DHFR2: variants seen among roughly 807,000 people sequenced by gnomAD.
The protein encoded by DHFR2 is dihydrofolate reductase 2, mitochondrial.
In DHFR2, 11 loss-of-function variants were observed where a neutral mutation model predicts 12.0. The ratio of observed to expected loss-of-function variants is 0.92; its 90% CI spans 0.58 to 1.52. The LOEUF (loss-of-function observed/expected upper bound fraction) is 1.52. Among genes scored for constraint, DHFR2 ranks in the 40% most tolerant of loss-of-function variants. DHFR2 has a pLI of 0.00. For missense variants in DHFR2, 188 were observed against 221.2 expected, an observed-to-expected ratio of 0.85 and a Z score of 0.95; for synonymous variants, 87 against 79.6, an observed-to-expected ratio of 1.09 and a Z score of -0.49.
Position 94,062,786 on chromosome 3 carries a change from T to G in DHFR2, c.-136A>C. ...AGCAGGGGCCGCACAGGCGCGCAGA[T>G]GTGTGACTTTCTAAGGTCCGGCCGC... On this transcript the variant is annotated 5_prime_UTR_variant, in exon 1 of 2. Coordinates refer to ENST00000314636, the MANE Select transcript of DHFR2 (RefSeq NM_176815.5). 3.1e-6 allele frequency: 1 copy of G among 324,858 alleles called. No homozygotes were observed. The highest frequency in any genetic ancestry group is 5.7e-5 in the East Asian group (1 of 17,456). The allele number at this position is 324,858 out of a possible 1,614,324, so 20.1% of individuals were successfully genotyped here.
upstream of DHFR2, chr3:94,063,315 C>G (rs2077189425): frequency 1.5e-6 from 1 of 677,116 alleles, no homozygotes; most frequent in Admixed American, 2.3e-5. Flanking sequence ...TGCTGTAATG[C>G]TGAGTCCCTT....
In DHFR2 at chr3:94,061,451, C is replaced by T. The variant is rs2077174337; in HGVS notation, c.61G>A (p.Gly21Arg). 2.5e-6 allele frequency: 4 copies of T among 1,614,046 alleles called. No individual in the cohort carries two copies. In the African/African-American group the frequency reaches 4.0e-5, roughly 16 times the overall value. ...CTGAGCGGCGGCCTGGGCAGGTCCC[C>T]GTTCTTGCCGATGCCCATGTTTTGG... ...VSQNMGIGKNGDLPRPPLRNE... is the reference protein window; with the variant it reads ...VSQNMGIGKNRDLPRPPLRNE... The change falls in exon 2 of 2, where the codon GGG becomes AGG. Residue 21 changes from glycine (G) to arginine (R), a missense_variant. Physicochemically the swap from Gly to Arg is moderately radical, Grantham distance 125 (BLOSUM62 -2). Coordinates refer to ENST00000314636, the MANE Select transcript of DHFR2 (RefSeq NM_176815.5).
In DHFR2 at chr3:94,061,302, A is replaced by G. The variant is rs144867779; in HGVS notation, c.210T>C (p.Asp70=). 130 of 1,613,626 alleles carry G rather than the reference A, an allele frequency of 8.1e-5. No individual in the cohort carries two copies. Among genetic ancestry groups the G allele is most frequent in the Non-Finnish European group, 1.0e-4 (123 of 1,179,716 alleles). The change falls in exon 2 of 2, where the codon GAT becomes GAC. Residue 70 remains aspartate (D), a synonymous_variant. Coordinates refer to ENST00000314636, the MANE Select transcript of DHFR2 (RefSeq NM_176815.5). ...SIPEKNRPLK[D]RINLVLSREL... ...CTCTGCTGAGAACTAAATTAATTCTATCCTTTAAAGGTCGATTCTTCTCAG... is the reference window on the plus strand; with the variant it reads ...CTCTGCTGAGAACTAAATTAATTCTGTCCTTTAAAGGTCGATTCTTCTCAG...
rs1163914236 is a variant in DHFR2 at position 94,058,273 on chromosome 3, A to G, written c.*2675T>C. On this transcript the variant is annotated 3_prime_UTR_variant, in exon 2 of 2. Coordinates refer to ENST00000314636, the MANE Select transcript of DHFR2 (RefSeq NM_176815.5). Reference sequence around the variant, plus strand: ...GTAGTTACCTCCATGGGTTTTAAAAAATTACTATTTTTTTAGTTTTTCAAG... The same window carrying G: ...GTAGTTACCTCCATGGGTTTTAAAAGATTACTATTTTTTTAGTTTTTCAAG... 1.3e-5 allele frequency: 2 copies of G among 152,148 alleles called. No individual in the cohort carries two copies. The highest frequency in any genetic ancestry group is 4.8e-5 in the African/African-American group (2 of 41,432). The allele number at this position is 152,148 out of a possible 1,614,324, so 9.4% of individuals were successfully genotyped here. A position where few individuals can be genotyped will look rare whatever the true frequency, so the allele number is the denominator to read the frequency against.
At chr3:94,061,871 A>T (rs1233881473) in intron 1 of DHFR2, among the ~76,000 whole-genome samples, 4 of 152,004 alleles carry the variant, frequency 2.6e-5, no homozygotes, top group African/African-American at 9.7e-5. Flanking sequence ...TTCTAATAAG[A>T]TGCATTTTTT....
rs2077168589 is a variant in DHFR2, at chr3:94,060,817, G to A, written c.*131C>T. Reference sequence around the variant, plus strand: ...TATCTGATATAGCCAAGATTAGTGAGGAATAAAAACACGTTGCTTAGAAAT... The same window carrying A: ...TATCTGATATAGCCAAGATTAGTGAAGAATAAAAACACGTTGCTTAGAAAT... On this transcript the variant is annotated 3_prime_UTR_variant, in exon 2 of 2. Transcript: ENST00000314636. 1 of 1,031,236 alleles carries A rather than the reference G, an allele frequency of 9.7e-7. No homozygotes were observed. Among genetic ancestry groups the A allele is most frequent in the Admixed American group, 2.8e-5 (1 of 35,812 alleles). The allele number at this position is 1,031,236 out of a possible 1,614,324, so 63.9% of individuals were successfully genotyped here.
chr3:94,060,765 G>A lies in DHFR2; in HGVS notation c.*183C>T. On this transcript the variant is annotated 3_prime_UTR_variant, in exon 2 of 2. Transcript: ENST00000314636. The stretch of plus-strand genomic sequence containing the variant: ...ACTCAGTCGGGGTCTTGGAGAGACA[G>A]TTATAGCAAGAATGTTTCATAAATG... 1 of 727,330 alleles carries A rather than the reference G, an allele frequency of 1.4e-6. No individual in the cohort carries two copies. The allele number at this position is 727,330 out of a possible 1,614,324, so 45.1% of individuals were successfully genotyped here. A position where few individuals can be genotyped will look rare whatever the true frequency, so the allele number is the denominator to read the frequency against.
chr3:94,060,811 T>C lies in DHFR2; in HGVS notation c.*137A>G. The stretch of plus-strand genomic sequence containing the variant: ...AAATGGTATCTGATATAGCCAAGAT[T>C]AGTGAGGAATAAAAACACGTTGCTT... On this transcript the variant is annotated 3_prime_UTR_variant, in exon 2 of 2. Coordinates refer to ENST00000314636, the MANE Select transcript of DHFR2 (RefSeq NM_176815.5). 1.0e-6 allele frequency: 1 copy of C among 971,152 alleles called. No individual in the cohort carries two copies. Among genetic ancestry groups the C allele is most frequent in the Non-Finnish European group, 1.5e-6 (1 of 665,860 alleles). The allele number at this position is 971,152 out of a possible 1,614,324, so 60.2% of individuals were successfully genotyped here.
In DHFR2 at chr3:94,058,128, GA is replaced by G. The variant is rs1368766100; in HGVS notation, c.*2819del. 1.3e-5 allele frequency: 2 copies of G among 151,854 alleles called. No homozygotes were observed. Among genetic ancestry groups the G allele is most frequent in the Non-Finnish European group, 2.9e-5 (2 of 67,968 alleles). The allele number at this position is 151,854 out of a possible 1,614,324, so 9.4% of individuals were successfully genotyped here. A position where few individuals can be genotyped will look rare whatever the true frequency, so the allele number is the denominator to read the frequency against. ...TTAAGATAGAATTATTTTTATTAAA[GA>G]AATATATGAAAATGGTTAAGTAAAA... is the stretch of plus-strand genomic sequence containing the variant. On this transcript the variant is annotated 3_prime_UTR_variant, in exon 2 of 2. Transcript: ENST00000314636.
At position 94,061,158 on chromosome 3, in the gene DHFR2, G is replaced by A. The variant is rs1239878976; in HGVS notation, c.354C>T (p.Gly118=). The change falls in exon 2 of 2, where the codon GGC becomes GGT. Residue 118 remains glycine (G), a synonymous_variant. Transcript: ENST00000314636. ...NKVDMIWIVG[G]SSVYKEAMNH... Reference sequence around the variant, plus strand: ...TCATGGCTTCCTTATAAACAGAACTGCCACCAACTATCCAAATCATGTCTA... The same window carrying A: ...TCATGGCTTCCTTATAAACAGAACTACCACCAACTATCCAAATCATGTCTA... 6.2e-7 allele frequency: 1 copy of A among 1,613,926 alleles called. No homozygotes were observed. The highest frequency in any genetic ancestry group is 2.2e-5 in the East Asian group (1 of 44,882).
chr3:94,061,069 A>G lies in DHFR2; in HGVS notation c.443T>C (p.Phe148Ser). The stretch of plus-strand genomic sequence containing the variant: ...TTTCTCCAAGTCAATTTCTGAAAAA[A>G]ACGTGTCACTTTCAAAGTCCTGCAT... ...RIMQDFESDT[F>S]FSEIDLEKYK... Residue 148 changes from phenylalanine (F) to serine (S), a missense_variant, in exon 2 of 2, where the codon TTT (phenylalanine) becomes TCT (serine). Physicochemically the swap from Phe to Ser is radical, Grantham distance 155 (BLOSUM62 -2). Transcript: ENST00000314636. The G allele has an allele frequency of 1.9e-6, 3 of 1,613,964 alleles. No individual in the cohort carries two copies. Among genetic ancestry groups the G allele is most frequent in the Non-Finnish European group, 2.5e-6 (3 of 1,179,872 alleles).
In DHFR2 at chr3:94,061,168, A is replaced by T. The variant is rs1426881189; in HGVS notation, c.344T>A (p.Ile115Lys). The T allele has an allele frequency of 1.2e-6, 2 of 1,613,880 alleles. No individual in the cohort carries two copies. The highest frequency in any genetic ancestry group is 2.7e-5 in the African/African-American group (2 of 74,930). Reference protein sequence around the residue: ...ELANKVDMIWIVGGSSVYKEA... With the variant: ...ELANKVDMIWKVGGSSVYKEA... ...CTTATAAACAGAACTGCCACCAACT[A>T]TCCAAATCATGTCTACTTTATTTGC... Residue 115 changes from isoleucine (I) to lysine (K), a missense_variant, in exon 2 of 2, where the codon ATA (isoleucine) becomes AAA (lysine). Physicochemically the swap from Ile to Lys is moderately radical, Grantham distance 102 (BLOSUM62 -3). Transcript: ENST00000314636.
rs1286059280 is a variant in DHFR2, at chr3:94,061,375, C to T, written c.137G>A (p.Gly46Asp). 1.9e-6 allele frequency: 3 copies of T among 1,614,052 alleles called. No individual in the cohort carries two copies. The highest frequency in any genetic ancestry group is 2.2e-5 in the East Asian group (1 of 44,886). ...QRMTTTSSVE[G>D]KQNLVIMGRK... ...ACCCATAATCACCAGATTCTGTTTA[C>T]CCTCTACTGAAGAAGTTGTGGTCAT... is the stretch of plus-strand genomic sequence containing the variant. The change falls in exon 2 of 2, where the codon GGT (glycine) becomes GAT (aspartate). Residue 46 changes from glycine (G) to aspartate (D), a missense_variant. Transcript: ENST00000314636.
At chr3:94,063,200 G>A (rs567203072), upstream of DHFR2, 41 of 1,562,316 alleles carry the variant, frequency 2.6e-5, no homozygotes, top group South Asian at 4.2e-4. Flanking sequence ...ACGCGGCCGA[G>A]GTGGCGAGGG....
chr3:94,062,922 C>G (rs922593172), upstream of DHFR2: 6 of 572,622 alleles, frequency 1.0e-5, no homozygotes, highest in Admixed American at 5.9e-5. Context: ...TAACTGCGCA[C>G]GAAATCTCCC....
rs2107227377 is a variant in DHFR2, at chr3:94,061,420, T to G, written c.92A>C (p.Glu31Ala). 1 of 1,614,208 alleles carries G rather than the reference T, an allele frequency of 6.2e-7. No homozygotes were observed. The highest frequency in any genetic ancestry group is 8.5e-7 in the Non-Finnish European group (1 of 1,180,050). Residue 31 changes from glutamate to alanine, a missense_variant, in exon 2 of 2, where the codon GAA becomes GCA. Glu to Ala is a moderately radical substitution (Grantham distance 107). Coordinates refer to ENST00000314636, the MANE Select transcript of DHFR2 (RefSeq NM_176815.5). ...GDLPRPPLRN[E>A]FRYFQRMTTT... is the part of the protein sequence containing the mutation. Reference sequence around the variant, plus strand: ...GGTCATTCTCTGGAAATACCTGAATTCATTCCTGAGCGGCGGCCTGGGCAG... The same window carrying G: ...GGTCATTCTCTGGAAATACCTGAATGCATTCCTGAGCGGCGGCCTGGGCAG...
In DHFR2 at chr3:94,061,320, C is replaced by A. The variant is rs1440371200; in HGVS notation, c.192G>T (p.Lys64Asn). ...TAATTCTATCCTTTAAAGGTCGATTCTTCTCAGGAATGGAGAACCAGGTCT... is the reference window on the plus strand; with the variant it reads ...TAATTCTATCCTTTAAAGGTCGATTATTCTCAGGAATGGAGAACCAGGTCT... ...GRKTWFSIPEKNRPLKDRINL... is the reference protein window; with the variant it reads ...GRKTWFSIPENNRPLKDRINL... The change falls in exon 2 of 2, where the codon AAG (lysine) becomes AAT (asparagine). Residue 64 changes from lysine to asparagine, a missense_variant. Physicochemically the swap from Lys to Asn is moderately conservative, Grantham distance 94. Transcript: ENST00000314636. The A allele has an allele frequency of 1.9e-6, 3 of 1,613,938 alleles. No homozygotes were observed. The highest frequency in any genetic ancestry group is 2.5e-6 in the Non-Finnish European group (3 of 1,179,948).
chr3:94,063,058 T>C, upstream of DHFR2: 1 of 1,589,826 alleles, frequency 6.3e-7, no homozygotes, highest in East Asian at 2.2e-5. Flanking sequence ...GACTGTTTTT[T>C]TCAGTTCCCT....
chr3:94,061,342 G>C lies in DHFR2; in HGVS notation c.170C>G (p.Thr57Ser). ...ATTCTTCTCAGGAATGGAGAACCAG[G>C]TCTTCCTACCCATAATCACCAGATT... ...KQNLVIMGRK[T>S]WFSIPEKNRP... Residue 57 changes from threonine to serine, a missense_variant, in exon 2 of 2, where the codon ACC becomes AGC. Coordinates refer to ENST00000314636, the MANE Select transcript of DHFR2 (RefSeq NM_176815.5). The C allele has an allele frequency of 1.2e-6, 2 of 1,614,088 alleles. No individual in the cohort carries two copies. Among genetic ancestry groups the C allele is most frequent in the Non-Finnish European group, 1.7e-6 (2 of 1,179,986 alleles).
Sources: allele counts gnomAD v4.1 joint callset (sites outside exome capture counted in the v4.1 genomes callset), GRCh38; gene constraint gnomAD v4.1.1; transcripts MANE v1.5; gene names NCBI Gene and HGNC (gene_info 2026-07-23, HGNC 2026-07-21).